Variants in BAHCC1 observed in about 807,000 individuals in gnomAD.
The protein encoded by BAHCC1 is BAH domain and coiled-coil containing 1, also known as BAH and coiled-coil domain-containing protein 1.
In BAHCC1, 43 loss-of-function variants were observed where a neutral mutation model predicts 88.2. That is an observed-to-expected ratio of 0.49 (90% confidence interval 0.38 to 0.63). The LOEUF is 0.63. BAHCC1 is among the 20% of genes least tolerant of loss of function. The probability of loss-of-function intolerance (pLI) is 0.00; values close to 1 mark genes in which losing one functional copy is unlikely to be tolerated. For missense variants in BAHCC1, 3,023 were observed against 1,654.8 expected, an observed-to-expected ratio of 1.83 and a Z score of -14.34; for synonymous variants, 1,510 against 745.5, an observed-to-expected ratio of 2.03 and a Z score of -16.71.
chr17:81,396,276 A>G (rs1463065817), intron 1 of BAHCC1: 1 of 151,808 alleles, frequency 6.6e-6, no homozygotes, highest in Non-Finnish European at 1.5e-5. Context: ...TTCGTTCCCA[A>G]TTCAGAATTT....
rs1555654813 is a variant in BAHCC1 at position 81,447,399 on chromosome 17, C to T, written c.3527C>T (p.Ser1176Phe). The part of the protein sequence containing the change: ...GGPEATGQAH[S>F]TQGGAREERS... ...CCCGAGGCCACCGGCCAGGCTCATT[C>T]TACTCAGGGAGGGGCACGAGAAGAG... is the stretch of plus-strand genomic sequence containing the variant. The change falls in exon 11 of 28, where the codon TCT (serine) becomes TTT (phenylalanine). Residue 1176 changes from serine to phenylalanine, a missense_variant. Physicochemically the swap from Ser to Phe is radical, Grantham distance 155. Coordinates refer to ENST00000675386, the MANE Select transcript of BAHCC1 (RefSeq NM_001377448.1). 1 of 742,754 alleles carries T rather than the reference C, an allele frequency of 1.3e-6. No individual in the cohort carries two copies. The allele number at this position is 742,754 out of a possible 1,614,324, so 46.0% of individuals were successfully genotyped here.
chr17:81,425,993 TGATGATGTGGTTGGG>T (rs2064189461), intron 2 of BAHCC1, among the ~76,000 whole-genome samples: 1 of 60,352 alleles, frequency 1.7e-5, no homozygotes, highest in African/African-American at 6.5e-5. Context: ...GTGTGGTTGG[TGATGATGTGGTTGGG>T]GGTGATGGTG....
rs964299910 is a variant in BAHCC1 at position 81,430,408 on chromosome 17, C to T, written c.358+3429C>T. Among the ~76,000 whole-genome samples the T allele has an allele frequency of 5.2e-3, 789 of 152,306 alleles. 5 individuals carry two copies. Among genetic ancestry groups the T allele is most frequent in the African/African-American group, 0.018 (749 of 41,576 alleles). On this transcript the variant is annotated intron_variant, in intron 3 of 27. Transcript: ENST00000675386. ...GGCACACACACGCGCTGGCTCTCCG[C>T]CTGGCCGGCCTCTTGGTCAGAACCA...
intron 23 of BAHCC1, among the ~76,000 whole-genome samples, 169 bp from the exon 24 acceptor site, chr17:81,460,097 CAGGAGGTGGAG>C (rs1727328087): frequency 6.6e-6 from 1 of 152,094 alleles, no homozygotes. Context: ...GGAGGCACTG[CAGGAGGTGGAG>C]AGGAGGCCCC....
intron 27 of BAHCC1, 53 bp downstream of exon 27, chr17:81,463,029 G>T (rs2030437753): frequency 1.3e-6 from 1 of 749,042 alleles, no homozygotes; most frequent in Non-Finnish European, 2.5e-6. Context: ...CCAGGGAGGG[G>T]ACACGACAGC....
At chr17:81,418,810 C>CGCGCATGTGT (rs71302047) in intron 2 of BAHCC1, among the ~76,000 whole-genome samples, 1 of 146,332 alleles carries the variant, frequency 6.8e-6, no homozygotes, top group Non-Finnish European at 1.5e-5. Flanking sequence ...TGTGTGTGTA[C>CGCGCATGTGT]GTGTGTGTGT....
chr17:81,422,858 G>A (rs908947102), intron 2 of BAHCC1: 2 of 365,254 alleles, frequency 5.5e-6, no homozygotes, highest in Non-Finnish European at 5.3e-6. Context: ...AGGCCTGGGG[G>A]ACTCGAGGCG....
At chr17:81,455,776 TG>T (rs1215245069) in intron 15 of BAHCC1, among the ~76,000 whole-genome samples, 3 of 151,398 alleles carry the variant, frequency 2.0e-5, no homozygotes, top group African/African-American at 7.3e-5. Flanking sequence ...TTCTTCTTGG[TG>T]TGGGGGGGCT....
chr17:81,408,875 C>A (rs1555647302), intron 2 of BAHCC1, among the ~76,000 whole-genome samples: 1 of 152,204 alleles, frequency 6.6e-6, no homozygotes, highest in African/African-American at 2.4e-5. Context: ...TCCTTCTGTC[C>A]CTTCCTATCC....
Position 81,458,641 on chromosome 17 carries a change from C to T in BAHCC1, c.5364C>T (p.Ser1788=). The T allele has an allele frequency of 4.2e-6, 3 of 718,328 alleles. No homozygotes were observed. The highest frequency in any genetic ancestry group is 1.5e-5 in the South Asian group (1 of 67,666). 44.5% of individuals were successfully genotyped at this position (718,328 alleles called of 1,614,324 possible). A position where few individuals can be genotyped will look rare whatever the true frequency, so the allele number is the denominator to read the frequency against. The change falls in exon 19 of 28, where the codon TCC becomes TCT. Residue 1788 remains serine, a synonymous_variant. Coordinates refer to ENST00000675386, the MANE Select transcript of BAHCC1 (RefSeq NM_001377448.1). The part of the protein sequence containing the change: ...PVLRRKNGAL[S]ITLATRNAKA... ...CGCAGCGGAAGAACGGGGCCCTGTC[C>T]ATCACGCTGGCCACACGCAACGCCA... is the stretch of plus-strand genomic sequence containing the variant.
intron 26 of BAHCC1, chr17:81,462,430 A>G (rs571616267): frequency 1.2e-5 from 6 of 493,344 alleles, no homozygotes; most frequent in African/African-American, 3.9e-5. Flanking sequence ...ATGTGGGGCC[A>G]CTCGTGGGTC....
Position 81,460,412 on chromosome 17 carries a change from G to A in BAHCC1, c.6025+16G>A. 3 of 749,886 alleles carry A rather than the reference G, an allele frequency of 4.0e-6. No homozygotes were observed. The highest frequency in any genetic ancestry group is 7.4e-6 in the Non-Finnish European group (3 of 403,316). 46.5% of individuals were successfully genotyped at this position (749,886 alleles called of 1,614,324 possible). A position where few individuals can be genotyped will look rare whatever the true frequency, so the allele number is the denominator to read the frequency against. ...AAGATCCAGTGTGAGCCTGGGAGCT[G>A]CACGGGGCAGGGCCCTGCCTGGGCT... On this transcript the variant is annotated intron_variant, in intron 24 of 27. Transcript: ENST00000675386.
rs566085568 is a variant in BAHCC1 at position 81,460,960 on chromosome 17, C to T, written c.6297C>T (p.Ser2099=). The T allele has an allele frequency of 2.1e-5, 16 of 772,368 alleles. No homozygotes were observed. Among genetic ancestry groups the T allele is most frequent in the African/African-American group, 1.0e-4 (6 of 59,274 alleles). 47.8% of individuals were successfully genotyped at this position (772,368 alleles called of 1,614,324 possible). The change falls in exon 26 of 28, where the codon TCC becomes TCT. Residue 2099 remains serine (S), a synonymous_variant. Transcript: ENST00000675386. ...GTGGCAGCCCCTTGCTGAGCTGGTC[C>T]GCGGTGGCGCAGACCAAGCGGAAGG... ...GRRGSPLLSW[S]AVAQTKRKAV... is the part of the protein sequence containing the mutation.
At position 81,461,081 on chromosome 17, in the gene BAHCC1, C is replaced by G. The variant is rs1449704024; in HGVS notation, c.6418C>G (p.Pro2140Ala). 1.3e-6 allele frequency: 1 copy of G among 769,606 alleles called. No individual in the cohort carries two copies. Among genetic ancestry groups the G allele is most frequent in the South Asian group, 1.3e-5 (1 of 74,320 alleles). 47.7% of individuals were successfully genotyped at this position (769,606 alleles called of 1,614,324 possible). The part of the protein sequence containing the change: ...KKLRAREALF[P>A]VHSVATPIFG... ...GCTGCGGGCCCGCGAGGCCCTGTTC[C>G]CCGTGCACAGCGTGGCCACACCCAT... Residue 2140 changes from proline (P) to alanine (A), a missense_variant, in exon 26 of 28, where the codon CCC (proline) becomes GCC (alanine). Transcript: ENST00000675386.
At chr17:81,409,673 T>G (rs1489784989) in intron 2 of BAHCC1, among the ~76,000 whole-genome samples, 4 of 152,146 alleles carry the variant, frequency 2.6e-5, no homozygotes, top group Admixed American at 6.5e-5. Context: ...CCCAAGGGCC[T>G]GCTCCCCTTG....
intron 3 of BAHCC1, among the ~76,000 whole-genome samples, chr17:81,433,331 G>A (rs555994416): frequency 6.6e-6 from 1 of 152,320 alleles, no homozygotes; most frequent in South Asian, 2.1e-4. Context: ...ATGGCAGAGA[G>A]CAGACAGGAC....
rs535379900 is a variant in BAHCC1 at position 81,452,329 on chromosome 17, T to C, written c.4316+222T>C. Among the ~76,000 whole-genome samples, 78 of 151,752 alleles carry C rather than the reference T, an allele frequency of 5.1e-4. 1 individual carries two copies. The South Asian group carries it at 0.016, about 30-fold the overall frequency. ...AGACCAAGTGGCAGGGCCAGGGGTC[T>C]GTGGAAGAGCCGCTTGTCAGAGCCT... is the stretch of plus-strand genomic sequence containing the variant. On this transcript the variant is annotated intron_variant, in intron 13 of 27. Transcript: ENST00000675386.
intron 2 of BAHCC1, among the ~76,000 whole-genome samples, chr17:81,410,563 T>C (rs2063936981): frequency 1.3e-5 from 2 of 152,180 alleles, no homozygotes; most frequent in East Asian, 1.9e-4. Context: ...TGGGCAGATG[T>C]GGACCTGCTC....
At chr17:81,416,087 C>T (rs562712273) in intron 2 of BAHCC1, among the ~76,000 whole-genome samples, 43 of 117,738 alleles carry the variant, frequency 3.7e-4, no homozygotes, top group Admixed American at 1.2e-3. Flanking sequence ...TGCGTGTGTG[C>T]GTGTGTGTCC....
Sources: gnomAD v4.1 joint callset for allele counts (sites outside exome capture counted in the v4.1 genomes callset) on GRCh38, gnomAD v4.1.1 for gene constraint, MANE v1.5 for transcripts, NCBI Gene and HGNC (gene_info 2026-07-23, HGNC 2026-07-21) for gene names.